RAI14: variants seen among roughly 807,000 people sequenced by gnomAD.
RAI14 encodes the protein retinoic acid induced 14.
RAI14 carries 45 observed loss-of-function variants against 115.4 expected under a neutral mutation model. The ratio of observed to expected loss-of-function variants is 0.39; its 90% CI spans 0.31 to 0.50. The LOEUF (loss-of-function observed/expected upper bound fraction) is 0.50, where lower values mean the gene tolerates loss of function less well. Ranked by LOEUF, RAI14 falls within the 20% of genes least tolerant of loss-of-function variation. RAI14 has a pLI of 0.85. For missense variants in RAI14, 939 were observed against 1,131.2 expected (o/e 0.83, Z 2.44); for synonymous variants, 371 against 415.4 (o/e 0.89, Z 1.30).
chr5:34,745,423 T>C (rs1228279762), intron 2 of RAI14, among the ~76,000 whole-genome samples: 2 of 152,192 alleles, frequency 1.3e-5, no homozygotes. Flanking sequence ...TTCACCAGGA[T>C]TTTTCCTTTC....
intron 17 of RAI14, among the ~76,000 whole-genome samples, chr5:34,830,115 G>T (rs570748199): frequency 5.1e-4 from 78 of 152,104 alleles, no homozygotes; most frequent in Non-Finnish European, 9.1e-4. Context: ...CTCCCAAGTA[G>T]GTGGGATTAC....
chr5:34,676,288 G>C (rs749942776), intron 1 of RAI14, among the ~76,000 whole-genome samples: 2 of 152,168 alleles, frequency 1.3e-5, no homozygotes, highest in Non-Finnish European at 2.9e-5. Context: ...CTGTGAGGTG[G>C]TTTTTCTCTT....
chr5:34,749,692 G>T (rs979026555), intron 2 of RAI14, among the ~76,000 whole-genome samples: 1 of 152,180 alleles, frequency 6.6e-6, no homozygotes, highest in African/African-American at 2.4e-5. Flanking sequence ...TGATATATTA[G>T]CAGGAATGTT....
intron 3 of RAI14, among the ~76,000 whole-genome samples, chr5:34,794,089 T>G (rs2150202092): frequency 6.6e-6 from 1 of 152,348 alleles, no homozygotes; most frequent in Non-Finnish European, 1.5e-5. Context: ...ACTGCCAGTA[T>G]AGTTTGGTTA....
At chr5:34,746,067 C>G (rs1439363801) in intron 2 of RAI14, among the ~76,000 whole-genome samples, 1 of 147,922 alleles carries the variant, frequency 6.8e-6, no homozygotes, top group East Asian at 2.0e-4. Flanking sequence ...TTCATCACAC[C>G]TCCTCCCCTT....
At chr5:34,712,217 C>T (rs543615087) in intron 2 of RAI14, among the ~76,000 whole-genome samples, 4 of 152,260 alleles carry the variant, frequency 2.6e-5, no homozygotes, top group East Asian at 3.9e-4. Flanking sequence ...TTATGAGTTT[C>T]GTTTAAGTTA....
chr5:34,822,250 G>GTATGTATATATATATATATATATA (rs1554012471), intron 14 of RAI14, among the ~76,000 whole-genome samples: 12 of 134,728 alleles, frequency 8.9e-5, no homozygotes, highest in African/African-American at 3.1e-4. Context: ...ATGTGTGTAT[G>GTATGTATATATATATATATATATA]TATATATATA....
In RAI14 at chr5:34,693,891, C is replaced by T. The variant is rs577633480; in HGVS notation, c.36+6936C>T. Reference sequence around the variant, plus strand: ...AAGCTCACCAATGTCAGCATTATTCCTCCTGTGACAGGGCAAGATTCTTTG... The same window carrying T: ...AAGCTCACCAATGTCAGCATTATTCTTCCTGTGACAGGGCAAGATTCTTTG... On this transcript the variant is annotated intron_variant, in intron 2 of 17. Coordinates refer to ENST00000265109, the MANE Select transcript of RAI14 (RefSeq NM_015577.3). Among the ~76,000 whole-genome samples the T allele has an allele frequency of 4.6e-5, 7 of 152,348 alleles. No homozygotes were observed. The South Asian group carries it at 1.0e-3, about 23-fold the overall frequency.
Position 34,831,017 on chromosome 5 carries a change from GC to G in RAI14, c.*255del. ...AGATTCCAGAGCTGGGATCAGCCATGCCCAGAGGTCTGGTCCTGATGCTGGC... is the reference window on the plus strand; with the variant it reads ...AGATTCCAGAGCTGGGATCAGCCATGCCAGAGGTCTGGTCCTGATGCTGGC... On this transcript the variant is annotated 3_prime_UTR_variant, in exon 18 of 18. Transcript: ENST00000265109. The G allele has an allele frequency of 1.7e-6, 1 of 602,464 alleles. No individual in the cohort carries two copies. The highest frequency in any genetic ancestry group is 2.5e-6 in the Non-Finnish European group (1 of 394,904). 37.3% of individuals were successfully genotyped at this position (602,464 alleles called of 1,614,324 possible).
At chr5:34,825,116 A>C (rs562963177) in intron 15 of RAI14, among the ~76,000 whole-genome samples, 5 of 152,206 alleles carry the variant, frequency 3.3e-5, no homozygotes, top group Non-Finnish European at 7.4e-5. Context: ...CTGTACAAAA[A>C]ATTTAAAAAT....
chr5:34,819,173 A>T (rs1036618035), intron 13 of RAI14, among the ~76,000 whole-genome samples: 3 of 152,242 alleles, frequency 2.0e-5, no homozygotes, highest in Admixed American at 6.5e-5. Context: ...TGATTTTGTC[A>T]CCAAGAGAAT....
At chr5:34,689,985 G>A (rs748298032) in intron 2 of RAI14, among the ~76,000 whole-genome samples, 17 of 152,174 alleles carry the variant, frequency 1.1e-4, no homozygotes, top group Non-Finnish European at 1.0e-4. Context: ...TTAGCAACCC[G>A]TAATAAAAAG....
chr5:34,683,804 T>C (rs1163769523), intron 1 of RAI14, among the ~76,000 whole-genome samples: 1 of 151,916 alleles, frequency 6.6e-6, no homozygotes, highest in East Asian at 1.9e-4. Context: ...ATCGGCTCAC[T>C]GCAAGCTCCG....
intron 4 of RAI14, among the ~76,000 whole-genome samples, chr5:34,801,257 C>T (rs886326805): frequency 5.3e-5 from 8 of 152,162 alleles, no homozygotes; most frequent in East Asian, 3.8e-4. Context: ...AACTCTCCCC[C>T]ACACCTACCC....
At chr5:34,708,459 C>T (rs1490953362) in intron 2 of RAI14, among the ~76,000 whole-genome samples, 2 of 152,184 alleles carry the variant, frequency 1.3e-5, no homozygotes, top group African/African-American at 4.8e-5. Context: ...GCCCCAGCCT[C>T]CCAAAGTGCT....
At position 34,711,133 on chromosome 5, in the gene RAI14, C is replaced by T. The variant is rs192344678; in HGVS notation, c.36+24178C>T. 1.2e-3 allele frequency among the ~76,000 whole-genome samples: 187 copies of T among 152,238 alleles called. 1 individual carries two copies. Among genetic ancestry groups the T allele is most frequent in the Non-Finnish European group, 2.0e-3 (139 of 68,016 alleles). ...AAGTGATTAGGTCATAGGTTTCATGCGCGTCCGTGTGAAGAGACAACCAAA... is the reference window on the plus strand; with the variant it reads ...AAGTGATTAGGTCATAGGTTTCATGTGCGTCCGTGTGAAGAGACAACCAAA... On this transcript the variant is annotated intron_variant, in intron 2 of 17. Coordinates refer to ENST00000265109, the MANE Select transcript of RAI14 (RefSeq NM_015577.3).
At chr5:34,820,943 A>G (rs749986193) in intron 13 of RAI14, among the ~76,000 whole-genome samples, 17 of 152,242 alleles carry the variant, frequency 1.1e-4, no homozygotes, top group Non-Finnish European at 1.9e-4. Context: ...ATGATGCTTA[A>G]GAATTCTCTA....
At chr5:34,743,051 G>A (rs1745723783) in intron 2 of RAI14, among the ~76,000 whole-genome samples, 1 of 152,188 alleles carries the variant, frequency 6.6e-6, no homozygotes, top group Non-Finnish European at 1.5e-5. Flanking sequence ...TCCTGCAGAA[G>A]GCTGCTGTCA....
intron 2 of RAI14, among the ~76,000 whole-genome samples, chr5:34,703,208 A>G (rs1475230834): frequency 1.3e-5 from 2 of 152,176 alleles, no homozygotes; most frequent in African/African-American, 4.8e-5. Flanking sequence ...TCAAGTTACA[A>G]AATTGTACAT....
Sources: gnomAD v4.1 joint callset for allele counts (sites outside exome capture counted in the v4.1 genomes callset) on GRCh38, gnomAD v4.1.1 for gene constraint, MANE v1.5 for transcripts, NCBI Gene and HGNC (gene_info 2026-07-23, HGNC 2026-07-21) for gene names.